Variants in EDEM3 observed in about 807,000 individuals in gnomAD.
EDEM3 encodes ER degradation-enhancing alpha-mannosidase-like protein 3.
In EDEM3, 60 loss-of-function variants were observed where a neutral mutation model predicts 110.2. The observed-to-expected ratio is 0.54, with a 90% CI of 0.44 to 0.67. The LOEUF (loss-of-function observed/expected upper bound fraction) is 0.67. Among genes scored for constraint, EDEM3 ranks in the 30% least tolerant of loss-of-function variants. The pLI is 0.00. For missense variants in EDEM3, 996 were observed against 1,121.0 expected, an observed-to-expected ratio of 0.89 and a Z score of 1.59; for synonymous variants, 352 against 382.9, an observed-to-expected ratio of 0.92 and a Z score of 0.94.
intron 1 of EDEM3, among the ~76,000 whole-genome samples, chr1:184,752,665 T>C (rs1272557595): frequency 6.6e-6 from 1 of 152,212 alleles, no homozygotes; most frequent in East Asian, 1.9e-4. Flanking sequence ...TAATAAAAAA[T>C]GAAGAAAGGG....
chr1:184,704,002 T>C (rs1649773522), intron 18 of EDEM3, among the ~76,000 whole-genome samples: 1 of 152,090 alleles, frequency 6.6e-6, no homozygotes. Context: ...GAAGAAAAGT[T>C]CAGAAGGACC....
Position 184,754,618 on chromosome 1 carries a change from C to A in EDEM3, c.29G>T (p.Gly10Val), listed in dbSNP as rs1231713225. 1 of 1,601,406 alleles carries A rather than the reference C, an allele frequency of 6.2e-7. No individual in the cohort carries two copies. The highest frequency in any genetic ancestry group is 1.7e-4 in the Middle Eastern group (1 of 6,050). MSEAGGRGC[G>V]SPVPQRARWR... The stretch of plus-strand genomic sequence containing the variant: ...TCGCGCTCGCTGGGGAACCGGGGAC[C>A]CACAGCCCCGGCCGCCGGCTTCGCT... The change falls in exon 1 of 20, where the codon GGG (glycine) becomes GTG (valine). Residue 10 changes from glycine (G) to valine (V), a missense_variant. Transcript: ENST00000318130.
chr1:184,702,847 C>A lies in EDEM3; in HGVS notation c.2353G>T (p.Val785Leu), dbSNP rs764250531. 1 of 1,611,242 alleles carries A rather than the reference C, an allele frequency of 6.2e-7. No individual in the cohort carries two copies. The highest frequency in any genetic ancestry group is 8.5e-7 in the Non-Finnish European group (1 of 1,178,928). The stretch of plus-strand genomic sequence containing the variant: ...GCTTTATCAGAGAGGAGCACTTCTA[C>A]CTCCTCATATTCCCGGATGGCATCC... ...ILDAIREYEE[V>L]EVLLSDKAKD... Residue 785 changes from valine (V) to leucine (L), a missense_variant, in exon 19 of 20, where the codon GTA (valine) becomes TTA (leucine). Val to Leu is a conservative substitution (Grantham distance 32). This residue lies in a region of EDEM3 where 345 missense variants were observed against 402.0 expected (regional missense o/e 0.86). Transcript: ENST00000318130.
At chr1:184,694,581 A>C in intron 19 of EDEM3, 109 bp from the exon 20 acceptor site, 1 of 1,072,446 alleles carries the variant, frequency 9.3e-7, no homozygotes, top group Non-Finnish European at 1.3e-6. Context: ...CGTGAAAGAG[A>C]CTCATGTTAA....
At chr1:184,709,329 G>A (rs1433812133) in intron 16 of EDEM3, among the ~76,000 whole-genome samples, 1 of 152,116 alleles carries the variant, frequency 6.6e-6, no homozygotes, top group Non-Finnish European at 1.5e-5. Flanking sequence ...TAGCTAAGAA[G>A]TCATATGTAT....
chr1:184,736,237 G>T (rs957056270), intron 4 of EDEM3, among the ~76,000 whole-genome samples: 2 of 151,572 alleles, frequency 1.3e-5, no homozygotes, highest in African/African-American at 4.9e-5. Flanking sequence ...TTAGAGTTGA[G>T]AATTTTCGTT....
Position 184,702,985 on chromosome 1 carries a change from C to T in EDEM3, c.2215G>A (p.Gly739Arg), listed in dbSNP as rs374997686. The change falls in exon 19 of 20, where the codon GGG becomes AGG. Residue 739 changes from glycine (G) to arginine (R), a missense_variant. By Grantham distance (125) the Gly-to-Arg change is moderately radical. Transcript: ENST00000318130. ...AGAGGGGCAGTATCACTGCTGCTCC[C>T]CTCATTGTCATCTAGCCAGAAAATA... is the stretch of plus-strand genomic sequence containing the variant. ...IGGIVIDDNE[G>R]SSSDTAPLFQ... 2 of 1,597,338 alleles carry T rather than the reference C, an allele frequency of 1.3e-6. No individual in the cohort carries two copies. Among genetic ancestry groups the T allele is most frequent in the South Asian group, 1.1e-5 (1 of 87,950 alleles).
intron 6 of EDEM3, among the ~76,000 whole-genome samples, chr1:184,730,618 A>G (rs1352166253): frequency 1.3e-5 from 2 of 152,218 alleles, no homozygotes; most frequent in Non-Finnish European, 2.9e-5. Context: ...AATGTTTACC[A>G]GAGAGCTATT....
intron 12 of EDEM3, 125 bp from the exon 13 acceptor site, chr1:184,717,137 T>C (rs1416215462): frequency 1.0e-5 from 7 of 691,152 alleles, no homozygotes; most frequent in Admixed American, 3.4e-5. Flanking sequence ...CTGAAGGACA[T>C]TATATAGAAC....
At chr1:184,745,609 A>C (rs1177810571) in intron 2 of EDEM3, among the ~76,000 whole-genome samples, 1 of 152,074 alleles carries the variant, frequency 6.6e-6, no homozygotes, top group African/African-American at 2.4e-5. Context: ...GGGGTAGGGG[A>C]GAGGCACTCC....
At chr1:184,711,688 T>C (rs1650240669) in intron 15 of EDEM3, 35 bp downstream of exon 15, 1 of 1,534,670 alleles carries the variant, frequency 6.5e-7, no homozygotes, top group East Asian at 2.3e-5. Flanking sequence ...AAGAAACAAC[T>C]TTGATATTAG....
intron 5 of EDEM3, 33 bp from the exon 6 acceptor site, chr1:184,733,023 C>G (rs200237541): frequency 1.4e-5 from 22 of 1,584,368 alleles, no homozygotes; most frequent in Non-Finnish European, 1.8e-5. Context: ...TTATCCATAT[C>G]TTATAGACAA....
At position 184,693,939 on chromosome 1, in the gene EDEM3, C is replaced by T. The variant is rs1571337332; in HGVS notation, c.*124G>A. On this transcript the variant is annotated 3_prime_UTR_variant, in exon 20 of 20. Transcript: ENST00000318130. ...CCTACGATAACTACGCCAGTCAGAA[C>T]GTGGTTGTTCATCACCATACTTAAA... 23 of 948,044 alleles carry T rather than the reference C, an allele frequency of 2.4e-5. No homozygotes were observed. In the East Asian group the frequency reaches 4.5e-4, roughly 18 times the overall value. 58.7% of individuals were successfully genotyped at this position (948,044 alleles called of 1,614,324 possible). A position where few individuals can be genotyped will look rare whatever the true frequency, so the allele number is the denominator to read the frequency against.
rs76956262 is a variant in EDEM3, at chr1:184,695,454, T to C, written c.2390-982A>G. Among the ~76,000 whole-genome samples the C allele has an allele frequency of 8.7e-3, 1,328 of 152,164 alleles. 10 individuals are homozygous for C. The highest frequency in any genetic ancestry group is 0.014 in the Non-Finnish European group (984 of 67,948). On this transcript the variant is annotated intron_variant, in intron 19 of 19. Coordinates refer to ENST00000318130, the MANE Select transcript of EDEM3 (RefSeq NM_025191.4). Reference sequence around the variant, plus strand: ...GGATTTTGGATGCTCAAGTCCCTTATGTAAAATGACACAGTATTTGCATAT... The same window carrying C: ...GGATTTTGGATGCTCAAGTCCCTTACGTAAAATGACACAGTATTTGCATAT...
At chr1:184,726,141 T>A (rs2102097752) in intron 7 of EDEM3, 114 bp downstream of exon 7, 1 of 1,367,198 alleles carries the variant, frequency 7.3e-7, no homozygotes, top group East Asian at 2.4e-5. Flanking sequence ...AGACAAAAAG[T>A]TCACTAAAAT....
chr1:184,697,990 C>T (rs573246480), intron 19 of EDEM3, among the ~76,000 whole-genome samples: 3 of 151,032 alleles, frequency 2.0e-5, no homozygotes, highest in South Asian at 2.1e-4. Context: ...ATAGGAAATG[C>T]GCACACACAC....
At chr1:184,712,330 A>G (rs548791276) in intron 14 of EDEM3, 103 bp downstream of exon 14, 6 of 1,032,078 alleles carry the variant, frequency 5.8e-6, no homozygotes, top group Admixed American at 3.1e-5. Flanking sequence ...TATTCTTACC[A>G]TACATATATT....
chr1:184,739,855 G>A (rs1372068164), intron 2 of EDEM3, among the ~76,000 whole-genome samples: 8 of 152,110 alleles, frequency 5.3e-5, no homozygotes, highest in African/African-American at 9.7e-5. Context: ...AAAATTAAAC[G>A]GTGGAGTATA....
intron 6 of EDEM3, among the ~76,000 whole-genome samples, chr1:184,730,936 C>T (rs1651476773): frequency 6.7e-6 from 1 of 150,110 alleles, no homozygotes; most frequent in Non-Finnish European, 1.5e-5. Flanking sequence ...AATGATTTCA[C>T]TGGGATATGG....
Sources: allele counts gnomAD v4.1 joint callset (sites outside exome capture counted in the v4.1 genomes callset), GRCh38; gene constraint gnomAD v4.1.1; regional missense constraint gnomAD v4.1.1; transcripts MANE v1.5; gene names NCBI Gene and HGNC (gene_info 2026-07-23, HGNC 2026-07-21).